The following ZNF565 variants were observed in gnomAD, a reference collection of about 807,000 sequenced individuals.
ZNF565 encodes zinc finger protein 565.
A neutral mutation model predicts 39.4 loss-of-function variants in ZNF565; 27 were observed. The ratio of observed to expected loss-of-function variants is 0.69; its 90% CI spans 0.51 to 0.95. ZNF565 has a LOEUF of 0.95. Ranked by LOEUF, ZNF565 falls within the 40% of genes least tolerant of loss-of-function variation. The pLI is 0.00. For synonymous variants in ZNF565, 185 were observed against 216.6 expected (o/e 0.85, Z 1.28); for missense variants, 524 against 621.1 (o/e 0.84, Z 1.66).
At chr19:36,209,408 T>C (rs1226974218) in intron 1 of ZNF565, among the ~76,000 whole-genome samples, 1 of 151,882 alleles carries the variant, frequency 6.6e-6, no homozygotes, top group Non-Finnish European at 1.5e-5. Context: ...CGTGGGAAAA[T>C]TGCTTGAACC....
chr19:36,203,976 G>T (rs538262044), intron 1 of ZNF565, among the ~76,000 whole-genome samples: 3 of 150,668 alleles, frequency 2.0e-5, no homozygotes, highest in Admixed American at 2.0e-4. Flanking sequence ...TTGAAATGGG[G>T]TTTCACTCTG....
At chr19:36,217,304 C>A (rs1034307043), upstream of ZNF565, among the ~76,000 whole-genome samples, 1 of 151,636 alleles carries the variant, frequency 6.6e-6, no homozygotes, top group Non-Finnish European at 1.5e-5. Flanking sequence ...CTCAAGTGAT[C>A]GGCCCGCCTC....
At chr19:36,239,784 G>A (rs1227006167) in intron 1 of ZNF565, among the ~76,000 whole-genome samples, 1 of 152,174 alleles carries the variant, frequency 6.6e-6, no homozygotes, top group Non-Finnish European at 1.5e-5. Flanking sequence ...AAATGGCTCA[G>A]ACCCTAGACA....
At chr19:36,237,450 G>A in intron 1 of ZNF565, 1 of 1,148,010 alleles carries the variant, frequency 8.7e-7, no homozygotes, top group Non-Finnish European at 1.2e-6. Context: ...AAAAACTTAA[G>A]GGACACCAGA....
intron 1 of ZNF565, chr19:36,236,618 A>G (rs1269924210): frequency 6.2e-7 from 1 of 1,614,238 alleles, no homozygotes; most frequent in African/African-American, 1.3e-5. Context: ...GCAGTATGTC[A>G]TTAAACATCA....
In ZNF565 at chr19:36,245,536, T is replaced by G; in HGVS notation, c.-6A>C. 1 of 702,154 alleles carries G rather than the reference T, an allele frequency of 1.4e-6. No homozygotes were observed. The highest frequency in any genetic ancestry group is 1.5e-5 in the South Asian group (1 of 67,576). 43.5% of individuals were successfully genotyped at this position (702,154 alleles called of 1,614,324 possible). A position where few individuals can be genotyped will look rare whatever the true frequency, so the allele number is the denominator to read the frequency against. ...TCCCAGGGTCCACGGCGCATTTAGGTGGTGGCTTGCTCTGGACTACATTTC... is the reference window on the plus strand; with the variant it reads ...TCCCAGGGTCCACGGCGCATTTAGGGGGTGGCTTGCTCTGGACTACATTTC... On this transcript the variant is annotated 5_prime_UTR_variant, in exon 1 of 5. Transcript: ENST00000355114. The surrounding 1 kb of genome is among the most constrained non-coding windows in gnomAD (Gnocchi z 4.4).
rs1419404357 is a variant in ZNF565, at chr19:36,183,612, G to A, written c.354C>T (p.Asp118=). 6.2e-7 allele frequency: 1 copy of A among 1,614,146 alleles called. No homozygotes were observed. Among genetic ancestry groups the A allele is most frequent in the East Asian group, 2.2e-5 (1 of 44,890 alleles). Residue 118 remains aspartate, a synonymous_variant, in exon 5 of 5, where the codon GAC becomes GAT. Coordinates refer to ENST00000304116, the MANE Select transcript of ZNF565 (RefSeq NM_152477.5). ...SDLEGSDFRA[D]WECEGQFERQ... ...TCTCAAACTGGCCTTCGCATTCCCA[G>A]TCAGCTCTAAAATCGGAGCCCTCCA...
chr19:36,244,469 A>T (rs1977847126), intron 1 of ZNF565, among the ~76,000 whole-genome samples: 1 of 152,156 alleles, frequency 6.6e-6, no homozygotes, highest in South Asian at 2.1e-4. Context: ...AATTGCTTGA[A>T]CCTGGAAGGT....
chr19:36,189,845 T>G (rs1364903317), intron 4 of ZNF565, among the ~76,000 whole-genome samples: 1 of 152,070 alleles, frequency 6.6e-6, no homozygotes, highest in Non-Finnish European at 1.5e-5. Flanking sequence ...TTGTTTTGTT[T>G]TTGAGATGGA....
At chr19:36,186,413 C>G (rs2145299650) in intron 4 of ZNF565, among the ~76,000 whole-genome samples, 1 of 152,282 alleles carries the variant, frequency 6.6e-6, no homozygotes, top group Non-Finnish European at 1.5e-5. Context: ...TTTTCATTTA[C>G]ATATTCATCT....
chr19:36,243,548 G>T (rs77039930), intron 1 of ZNF565, among the ~76,000 whole-genome samples: 4,223 of 152,284 alleles, frequency 0.028, 167 homozygotes, highest in African/African-American at 0.095. Context: ...CCATATGTTT[G>T]CTGGGGGATT....
chr19:36,208,222 T>G (rs76288063), intron 1 of ZNF565, among the ~76,000 whole-genome samples: 3 of 122,946 alleles, frequency 2.4e-5, no homozygotes, highest in East Asian at 4.6e-4. Context: ...TTTTTTTTTT[T>G]GGCAGGGCAG....
At chr19:36,234,361 C>A (rs540501042) in intron 1 of ZNF565, among the ~76,000 whole-genome samples, 58 of 150,426 alleles carry the variant, frequency 3.9e-4, no homozygotes, top group Admixed American at 5.3e-4. Context: ...AAGACTGTCT[C>A]AAAAAAAAAG....
At chr19:36,197,006 A>AG (rs139798892) in intron 2 of ZNF565, among the ~76,000 whole-genome samples, 25,652 of 151,446 alleles carry the variant, frequency 0.17, 2,535 homozygotes, top group Non-Finnish European at 0.22. Context: ...CAGTGTGCTG[A>AG]TTTGTGCCAC....
At chr19:36,211,581 T>C (rs901165931) in intron 1 of ZNF565, among the ~76,000 whole-genome samples, 2 of 151,594 alleles carry the variant, frequency 1.3e-5, no homozygotes, top group African/African-American at 4.8e-5. Flanking sequence ...ATCACGAGGT[T>C]AGGAGATCGA....
At position 36,245,174 on chromosome 19, in the gene ZNF565, G is replaced by T. The variant is rs891344961; in HGVS notation, c.55+302C>A. On this transcript the variant is annotated intron_variant, in intron 1 of 4. Coordinates refer to the ZNF565 transcript ENST00000355114. This position sits in a 1 kb window ranked among gnomAD's most constrained non-coding sequence, Gnocchi z 4.4. The stretch of plus-strand genomic sequence containing the variant: ...ATGGATTCGCATTTGCGCAGAGTCG[G>T]GGTCTGTTGCTACGGGTCCCCTGGG... Among the ~76,000 whole-genome samples the T allele has an allele frequency of 2.0e-5, 3 of 152,190 alleles. No homozygotes were observed. The highest frequency in any genetic ancestry group is 4.8e-5 in the African/African-American group (2 of 41,448).
upstream of ZNF565, among the ~76,000 whole-genome samples, chr19:36,218,729 A>C (rs1009297391): frequency 2.0e-5 from 3 of 152,152 alleles, no homozygotes; most frequent in East Asian, 1.9e-4. Flanking sequence ...TCAGCCTCCC[A>C]AAGTCCTGGC....
upstream of ZNF565, chr19:36,218,334 G>A (rs1339792040): frequency 1.3e-5 from 2 of 151,964 alleles, no homozygotes; most frequent in East Asian, 3.8e-4. Flanking sequence ...TGTGTAGTAA[G>A]TACTTGATTA....
At chr19:36,237,972 C>G (rs1977706653) in intron 1 of ZNF565, 1 of 166,984 alleles carries the variant, frequency 6.0e-6, no homozygotes, top group Non-Finnish European at 1.5e-5. Flanking sequence ...GGGAAACATT[C>G]CTTGGAACAA....
Sources: allele counts gnomAD v4.1 joint callset (sites outside exome capture counted in the v4.1 genomes callset), GRCh38; gene constraint gnomAD v4.1.1; non-coding constraint Gnocchi (gnomAD v3.1); transcripts MANE v1.5; gene names NCBI Gene and HGNC (gene_info 2026-07-23, HGNC 2026-07-21).